PECAM1: variants seen among roughly 807,000 people sequenced by gnomAD.
The protein encoded by PECAM1 is platelet and endothelial cell adhesion molecule 1, also known as platelet endothelial cell adhesion molecule.
PECAM1 carries 8 observed loss-of-function variants against 13.8 expected under a neutral mutation model. The ratio of observed to expected loss-of-function variants is 0.58; its 90% CI spans 0.34 to 1.05. The LOEUF (loss-of-function observed/expected upper bound fraction) is 1.05, where lower values mean the gene tolerates loss of function less well. Ranked by LOEUF, PECAM1 falls within the 50% of genes least tolerant of loss-of-function variation. The pLI is 0.03. For synonymous variants in PECAM1, 136 were observed against 52.6 expected (o/e 2.58, Z -6.86); for missense variants, 304 against 141.2 (o/e 2.15, Z -5.84).
Position 64,367,565 on chromosome 17 carries a change from A to G in PECAM1, c.967+2185T>C, listed in dbSNP as rs2036139037. On this transcript the variant is annotated intron_variant, in intron 5 of 15. Coordinates refer to ENST00000563924, the MANE Select transcript of PECAM1 (RefSeq NM_000442.5). ...AACTCCATCTCAAAAAAAAAAAAAA[A>G]AAGAAAAGAAAAAAGACACTGAACC... Among the ~76,000 whole-genome samples the G allele has an allele frequency of 6.6e-5, 10 of 151,856 alleles. No individual in the cohort carries two copies. The South Asian group carries it at 2.1e-3, about 32-fold the overall frequency.
chr17:64,344,040 G>A (rs886968683), intron 13 of PECAM1, among the ~76,000 whole-genome samples: 19 of 152,146 alleles, frequency 1.2e-4, no homozygotes, highest in African/African-American at 3.1e-4. Context: ...CACAAACAAC[G>A]CAGACACTGC....
rs973314788 is a variant in PECAM1, at chr17:64,334,708, C to T, written c.2165-4986G>A. 1.8e-4 allele frequency among the ~76,000 whole-genome samples: 27 copies of T among 152,160 alleles called. 1 individual carries two copies. The highest frequency in any genetic ancestry group is 1.5e-3 in the Admixed American group (23 of 15,276). On this transcript the variant is annotated intron_variant, in intron 14 of 15. Coordinates refer to ENST00000563924, the MANE Select transcript of PECAM1 (RefSeq NM_000442.5). ...ATTTTTAGTAGAGATGGGGTTTCAC[C>T]GTGTTAGCCAGGATGGTCTCGATCT...
chr17:64,382,282 T>C (rs1411872722), intron 2 of PECAM1, among the ~76,000 whole-genome samples: 5 of 152,156 alleles, frequency 3.3e-5, no homozygotes, highest in Non-Finnish European at 5.9e-5. Flanking sequence ...CAGGAGATAC[T>C]AAAGAGCAGA....
chr17:64,319,632 C>A lies in PECAM1; in HGVS notation c.*4184G>T, dbSNP rs565085537. On this transcript the variant is annotated 3_prime_UTR_variant, in exon 16 of 16. Coordinates refer to ENST00000563924, the MANE Select transcript of PECAM1 (RefSeq NM_000442.5). ...GTCCGCGTATGTGGTGACCTGCCAG[C>A]ACTTGGAAGGGGTCGCATGCACAGT... The A allele has an allele frequency of 1.6e-4, 25 of 152,286 alleles. No homozygotes were observed. Among genetic ancestry groups the A allele is most frequent in the African/African-American group, 5.8e-4 (24 of 41,556 alleles). 9.4% of individuals were successfully genotyped at this position (152,286 alleles called of 1,614,324 possible).
chr17:64,319,664 A>G lies in PECAM1; in HGVS notation c.*4152T>C, dbSNP rs1186997395. On this transcript the variant is annotated 3_prime_UTR_variant, in exon 16 of 16. Coordinates refer to ENST00000563924, the MANE Select transcript of PECAM1 (RefSeq NM_000442.5). ...AAGGGGTCGCATGCACAGTGTGATT[A>G]CTGAAGTTGCGCGCATGCTCACTTG... is the stretch of plus-strand genomic sequence containing the variant. 4.6e-5 allele frequency: 7 copies of G among 152,162 alleles called. No individual in the cohort carries two copies. Among genetic ancestry groups the G allele is most frequent in the Admixed American group, 2.0e-4 (3 of 15,272 alleles). The allele number at this position is 152,162 out of a possible 1,614,324, so 9.4% of individuals were successfully genotyped here.
chr17:64,356,074 G>T, intron 8 of PECAM1, 37 bp downstream of exon 8: 1 of 475,118 alleles, frequency 2.1e-6, no homozygotes, highest in East Asian at 3.1e-5. Flanking sequence ...GCCCTTGGGA[G>T]CCCACAGCAC....
At chr17:64,372,137 A>G (rs2036256552) in intron 4 of PECAM1, among the ~76,000 whole-genome samples, 1 of 152,104 alleles carries the variant, frequency 6.6e-6, no homozygotes, top group African/African-American at 2.4e-5. Context: ...GACCAGGCAC[A>G]GTGGCTCATG....
intron 14 of PECAM1, among the ~76,000 whole-genome samples, chr17:64,333,460 T>C (rs1180388928): frequency 6.6e-6 from 1 of 152,046 alleles, no homozygotes; most frequent in African/African-American, 2.4e-5. Context: ...TGGTGTTTTG[T>C]GGTGGGGAGG....
At chr17:64,377,281 AC>A (rs1236460521) in intron 3 of PECAM1, among the ~76,000 whole-genome samples, 4 of 152,124 alleles carry the variant, frequency 2.6e-5, no homozygotes, top group African/African-American at 9.7e-5. Flanking sequence ...CCTGGGGTAG[AC>A]CCATTTTGTT....
At chr17:64,388,868 G>A (rs1480853110) in intron 2 of PECAM1, among the ~76,000 whole-genome samples, 1 of 152,044 alleles carries the variant, frequency 6.6e-6, no homozygotes, top group African/African-American at 2.4e-5. Flanking sequence ...GGGTTTCACT[G>A]TTTTGGCCAG....
chr17:64,388,303 T>C (rs1221917796), intron 2 of PECAM1, among the ~76,000 whole-genome samples: 1 of 151,906 alleles, frequency 6.6e-6, no homozygotes, highest in Non-Finnish European at 1.5e-5. Context: ...GGGTGTGGTC[T>C]GGGAGGGTAC....
intron 14 of PECAM1, 146 bp from the exon 15 acceptor site, chr17:64,329,868 T>A (rs1179576232): frequency 1.5e-5 from 10 of 687,888 alleles, no homozygotes; most frequent in East Asian, 1.4e-4. Context: ...CCCTTAGAGG[T>A]TTATGGCTCC....
chr17:64,370,647 C>T (rs887445170), intron 4 of PECAM1, among the ~76,000 whole-genome samples: 3 of 152,136 alleles, frequency 2.0e-5, no homozygotes, highest in Non-Finnish European at 4.4e-5. Context: ...AGTTCTAGAA[C>T]AGCCTCTGGG....
chr17:64,388,563 G>A (rs2036649700), intron 2 of PECAM1, among the ~76,000 whole-genome samples: 1 of 152,180 alleles, frequency 6.6e-6, no homozygotes. Flanking sequence ...AAAGACTTGA[G>A]TCAGGCCTAT....
At chr17:64,334,841 C>A (rs2035230606) in intron 14 of PECAM1, among the ~76,000 whole-genome samples, 1 of 152,096 alleles carries the variant, frequency 6.6e-6, no homozygotes, top group Non-Finnish European at 1.5e-5. Flanking sequence ...TCACTCAATA[C>A]CACCTTCCCT....
intron 2 of PECAM1, among the ~76,000 whole-genome samples, chr17:64,378,646 CAA>C (rs1206844579): frequency 3.8e-5 from 5 of 131,706 alleles, no homozygotes; most frequent in East Asian, 2.2e-4. Context: ...TCTCAAAAGA[CAA>C]AAAAAAAAAA....
chr17:64,362,444 T>C (rs2036004291), intron 6 of PECAM1, among the ~76,000 whole-genome samples: 1 of 152,044 alleles, frequency 6.6e-6, no homozygotes, highest in African/African-American at 2.4e-5. Flanking sequence ...GGTCAGGAGA[T>C]GGAGACCATC....
At chr17:64,389,292 G>C (rs2036666463) in intron 2 of PECAM1, among the ~76,000 whole-genome samples, 1 of 152,294 alleles carries the variant, frequency 6.6e-6, no homozygotes, top group African/African-American at 2.4e-5. Context: ...TGTTCTGTGG[G>C]CTCTCCCTCT....
chr17:64,344,816 A>G (rs2035523424), intron 13 of PECAM1, among the ~76,000 whole-genome samples: 1 of 152,028 alleles, frequency 6.6e-6, no homozygotes, highest in Non-Finnish European at 1.5e-5. Flanking sequence ...CTCAAATTGA[A>G]TTCCCAAAAA....
Sources: allele counts gnomAD v4.1 joint callset (sites outside exome capture counted in the v4.1 genomes callset), GRCh38; gene constraint gnomAD v4.1.1; transcripts MANE v1.5; gene names NCBI Gene and HGNC (gene_info 2026-07-23, HGNC 2026-07-21).